The following PSD3 variants were observed in gnomAD, a reference collection of about 807,000 sequenced individuals.
The protein encoded by PSD3 is PH and SEC7 domain-containing protein 3.
PSD3 carries 49 observed loss-of-function variants against 105.5 expected under a neutral mutation model. That is an observed-to-expected ratio of 0.46 (90% CI 0.37 to 0.59). PSD3 has a LOEUF of 0.59. Ranked by LOEUF, PSD3 falls within the 20% of genes least tolerant of loss-of-function variation. The probability of loss-of-function intolerance (pLI) is 0.00; values close to 1 mark genes in which losing one functional copy is unlikely to be tolerated. For synonymous variants in PSD3, 557 were observed against 457.8 expected, an observed-to-expected ratio of 1.22 and a Z score of -2.77; for missense variants, 1,561 against 1,263.8, an observed-to-expected ratio of 1.24 and a Z score of -3.57.
At chr8:18,617,642 C>G (rs1161241689) in intron 11 of PSD3, among the ~76,000 whole-genome samples, 1 of 151,636 alleles carries the variant, frequency 6.6e-6, no homozygotes, top group Non-Finnish European at 1.5e-5. Flanking sequence ...GAAGGGGATT[C>G]CAAAGGAACT....
At chr8:18,769,683 C>CTT (rs1244809771) in intron 8 of PSD3, among the ~76,000 whole-genome samples, 1 of 152,166 alleles carries the variant, frequency 6.6e-6, no homozygotes, top group Non-Finnish European at 1.5e-5. Context: ...TCTGCATTTT[C>CTT]TTTATACAGA....
chr8:18,778,591 T>C (rs1284149786), intron 8 of PSD3, among the ~76,000 whole-genome samples: 2 of 152,128 alleles, frequency 1.3e-5, no homozygotes, highest in Admixed American at 6.5e-5. Flanking sequence ...TGCAGCTTTG[T>C]CATACATGGC....
chr8:18,638,371 C>G (rs980643765), intron 10 of PSD3, among the ~76,000 whole-genome samples: 4 of 150,952 alleles, frequency 2.6e-5, no homozygotes, highest in Admixed American at 6.6e-5. Context: ...CTGACATAAT[C>G]TTATATATAG....
In PSD3 at chr8:19,007,408, A is replaced by T. The variant is rs973326963; in HGVS notation, c.21+6155T>A. ...CGAAATTAAATAAAATTTAAAATTC[A>T]GTTCTTAAATCTCACTAGCCACATT... On this transcript the variant is annotated intron_variant, in intron 1 of 15. Transcript: ENST00000327040. Among the ~76,000 whole-genome samples the T allele has an allele frequency of 7.9e-5, 12 of 152,134 alleles. 1 individual carries two copies. The highest frequency in any genetic ancestry group is 5.8e-4 in the East Asian group (3 of 5,208).
At chr8:18,695,149 C>T (rs909498149) in intron 9 of PSD3, among the ~76,000 whole-genome samples, 10 of 152,118 alleles carry the variant, frequency 6.6e-5, no homozygotes, top group Non-Finnish European at 1.3e-4. Context: ...AGAAAGCTTC[C>T]TTGCAAAGAA....
chr8:18,861,857 G>C (rs1563356020), intron 4 of PSD3, among the ~76,000 whole-genome samples: 1 of 152,074 alleles, frequency 6.6e-6, no homozygotes, highest in Non-Finnish European at 1.5e-5. Context: ...TAAGCAATCA[G>C]AAGTTCCACG....
Position 18,528,254 on chromosome 8 carries a change from G to A in PSD3, c.*7489C>T, listed in dbSNP as rs1799504353. On this transcript the variant is annotated 3_prime_UTR_variant, in exon 16 of 16. Transcript: ENST00000327040. Reference sequence around the variant, plus strand: ...ACAAAGCTGCTAAGCTAGCACTTGAGTATTCCTCGACCCTTCCCCTAGAAA... The same window carrying A: ...ACAAAGCTGCTAAGCTAGCACTTGAATATTCCTCGACCCTTCCCCTAGAAA... The A allele has an allele frequency of 6.6e-6, 1 of 152,198 alleles. No homozygotes were observed. The highest frequency in any genetic ancestry group is 2.4e-5 in the African/African-American group (1 of 41,446). 9.4% of individuals were successfully genotyped at this position (152,198 alleles called of 1,614,324 possible). A position where few individuals can be genotyped will look rare whatever the true frequency, so the allele number is the denominator to read the frequency against.
chr8:18,537,301 A>AGGAAGAAATGAAACTCGGATT (rs1799898473), intron 15 of PSD3, among the ~76,000 whole-genome samples: 1 of 152,258 alleles, frequency 6.6e-6, no homozygotes. Flanking sequence ...AGTCAAAGTA[A>AGGAAGAAATGAAACTCGGATT]GGAAGAAATG....
At chr8:18,945,793 T>C (rs1394989125) in intron 1 of PSD3, among the ~76,000 whole-genome samples, 1 of 152,148 alleles carries the variant, frequency 6.6e-6, no homozygotes, top group East Asian at 1.9e-4. Flanking sequence ...CTGGTCAACA[T>C]GGTGAAACCC....
chr8:18,774,934 C>A (rs1157614935), intron 8 of PSD3: 1 of 456,060 alleles, frequency 2.2e-6, no homozygotes, highest in African/African-American at 2.0e-5. Flanking sequence ...CAAAAGCCAC[C>A]ACCGCTGCCA....
At chr8:18,685,710 A>C (rs1800627145) in intron 9 of PSD3, among the ~76,000 whole-genome samples, 1 of 152,204 alleles carries the variant, frequency 6.6e-6, no homozygotes, top group Non-Finnish European at 1.5e-5. Context: ...GGTGTACTAT[A>C]GCAGTAAAAT....
intron 4 of PSD3, among the ~76,000 whole-genome samples, chr8:18,840,539 A>G (rs955371909): frequency 2.6e-5 from 4 of 152,246 alleles, no homozygotes; most frequent in African/African-American, 9.6e-5. Flanking sequence ...TTGGTCTAAG[A>G]CGTTTACAGG....
intron 4 of PSD3, among the ~76,000 whole-genome samples, chr8:18,836,970 T>C (rs1236290228): frequency 2.7e-5 from 4 of 150,800 alleles, no homozygotes; most frequent in Admixed American, 1.3e-4. Flanking sequence ...TTTTTTTTAA[T>C]ACACATGCAG....
intron 1 of PSD3, among the ~76,000 whole-genome samples, chr8:19,002,558 G>GA (rs1325693462): frequency 1.3e-5 from 2 of 151,730 alleles, no homozygotes; most frequent in Non-Finnish European, 2.9e-5. Context: ...TTTTTCTATA[G>GA]AAAAACACTG....
intron 9 of PSD3, among the ~76,000 whole-genome samples, chr8:18,756,246 G>A (rs1806037003): frequency 6.6e-6 from 1 of 151,978 alleles, no homozygotes; most frequent in Admixed American, 6.6e-5. Flanking sequence ...CCACCCATAA[G>A]TTCCTATTTT....
intron 2 of PSD3, among the ~76,000 whole-genome samples, chr8:18,918,818 G>C (rs1020314193): frequency 2.6e-5 from 4 of 152,062 alleles, no homozygotes; most frequent in African/African-American, 9.7e-5. Flanking sequence ...TCTACGTGGA[G>C]GGAGGGCACT....
At chr8:18,875,638 G>A (rs931940148) in intron 2 of PSD3, among the ~76,000 whole-genome samples, 4 of 151,720 alleles carry the variant, frequency 2.6e-5, no homozygotes, top group African/African-American at 4.8e-5. Context: ...CTGGATACAC[G>A]CCATTCTCCT....
chr8:18,609,183 C>T (rs893064758), intron 11 of PSD3, among the ~76,000 whole-genome samples: 2 of 152,124 alleles, frequency 1.3e-5, no homozygotes, highest in Non-Finnish European at 2.9e-5. Flanking sequence ...ATTTTATTCC[C>T]CTCAGAGTAG....
chr8:19,075,212 T>G (rs1247870586), intron 1 of PSD3, among the ~76,000 whole-genome samples: 1 of 152,166 alleles, frequency 6.6e-6, no homozygotes, highest in Non-Finnish European at 1.5e-5. Flanking sequence ...CCTCCCAAAG[T>G]GCTGGGATTA....
Sources: gnomAD v4.1 joint callset for allele counts (sites outside exome capture counted in the v4.1 genomes callset) on GRCh38, gnomAD v4.1.1 for gene constraint, MANE v1.5 for transcripts, NCBI Gene and HGNC (gene_info 2026-07-23, HGNC 2026-07-21) for gene names.